Variants in PSD3 observed in about 807,000 individuals in gnomAD.
PSD3 encodes pleckstrin and Sec7 domain containing 3.
In PSD3, 49 loss-of-function variants were observed where a neutral mutation model predicts 105.5. That is an observed-to-expected ratio of 0.46 (90% CI 0.37 to 0.59). The LOEUF is 0.59. Among genes scored for constraint, PSD3 ranks in the 20% least tolerant of loss-of-function variants. The pLI, the probability that PSD3 is intolerant of heterozygous loss-of-function variation, is 0.00. For missense variants in PSD3, 1,561 were observed against 1,263.8 expected (o/e 1.24, Z -3.57); for synonymous variants, 557 against 457.8 (o/e 1.22, Z -2.77).
chr8:18,940,655 G>A (rs1254148461), intron 1 of PSD3, among the ~76,000 whole-genome samples: 1 of 152,126 alleles, frequency 6.6e-6, no homozygotes, highest in Non-Finnish European at 1.5e-5. Flanking sequence ...CCCCAGTTCT[G>A]GGAATGCCTC....
chr8:18,969,343 A>G (rs777068559), intron 1 of PSD3, among the ~76,000 whole-genome samples: 8 of 152,204 alleles, frequency 5.3e-5, no homozygotes, highest in African/African-American at 9.6e-5. Context: ...CTAAATTTCG[A>G]TGCAACAGCA....
At chr8:18,905,259 C>T (rs1018724332) in intron 2 of PSD3, among the ~76,000 whole-genome samples, 1 of 152,172 alleles carries the variant, frequency 6.6e-6, no homozygotes, top group African/African-American at 2.4e-5. Context: ...TCCTACTCAT[C>T]TTTCATAACC....
At chr8:18,871,493 G>GT in intron 3 of PSD3, 133 bp downstream of exon 3, 1 of 1,182,486 alleles carries the variant, frequency 8.5e-7, no homozygotes, top group South Asian at 1.6e-5. Context: ...CTAGCTCACA[G>GT]TAACTCATCT....
At chr8:18,627,463 C>T (rs1210141261) in intron 11 of PSD3, among the ~76,000 whole-genome samples, 5 of 151,952 alleles carry the variant, frequency 3.3e-5, no homozygotes, top group Non-Finnish European at 7.4e-5. Context: ...GTGGGATGGA[C>T]AATTTCAAGG....
At chr8:18,961,662 GCCTGGGTGA>G (rs1563466373) in intron 1 of PSD3, among the ~76,000 whole-genome samples, 1 of 152,200 alleles carries the variant, frequency 6.6e-6, no homozygotes, top group African/African-American at 2.4e-5. Flanking sequence ...CTGCACTCCA[GCCTGGGTGA>G]CAGAGCGAGA....
At chr8:18,846,107 G>C (rs1002207704) in intron 4 of PSD3, among the ~76,000 whole-genome samples, 1 of 152,152 alleles carries the variant, frequency 6.6e-6, no homozygotes, top group Non-Finnish European at 1.5e-5. Context: ...AAGAAAGAGA[G>C]ATAGAAGAAA....
intron 14 of PSD3, among the ~76,000 whole-genome samples, chr8:18,558,987 C>G (rs1472427572): frequency 6.6e-6 from 1 of 152,042 alleles, no homozygotes; most frequent in East Asian, 1.9e-4. Flanking sequence ...GCATAGTACC[C>G]CACTGCAGGA....
At chr8:18,736,717 T>C (rs1472505539) in intron 9 of PSD3, among the ~76,000 whole-genome samples, 2 of 152,132 alleles carry the variant, frequency 1.3e-5, no homozygotes, top group African/African-American at 4.8e-5. Flanking sequence ...TGAAAAAAAT[T>C]GGAAAGGTTT....
At chr8:18,581,725 G>A (rs1477960679) in intron 12 of PSD3, among the ~76,000 whole-genome samples, 1 of 152,202 alleles carries the variant, frequency 6.6e-6, no homozygotes, top group African/African-American at 2.4e-5. Flanking sequence ...GCCATTCATT[G>A]CATAATACTG....
At chr8:18,875,894 C>T (rs984868748) in intron 2 of PSD3, among the ~76,000 whole-genome samples, 1 of 152,132 alleles carries the variant, frequency 6.6e-6, no homozygotes, top group Admixed American at 6.5e-5. Context: ...AGCAGCCAAT[C>T]CCCATTTCAG....
chr8:18,589,755 G>A (rs992523868), intron 12 of PSD3, among the ~76,000 whole-genome samples: 3 of 152,256 alleles, frequency 2.0e-5, no homozygotes, highest in East Asian at 1.9e-4. Flanking sequence ...GCGAGGAGGC[G>A]AGGGCTTCTA....
intron 4 of PSD3, among the ~76,000 whole-genome samples, chr8:18,815,587 G>C (rs563302367): frequency 6.6e-6 from 1 of 152,060 alleles, no homozygotes; most frequent in Non-Finnish European, 1.5e-5. Flanking sequence ...CTGGGATTAT[G>C]AGAGGGAGCC....
At chr8:18,682,042 A>C (rs1364641584) in intron 9 of PSD3, among the ~76,000 whole-genome samples, 1 of 151,938 alleles carries the variant, frequency 6.6e-6, no homozygotes, top group Non-Finnish European at 1.5e-5. Flanking sequence ...TCTCTTCCAC[A>C]GATACATATC....
At position 18,941,665 on chromosome 8, in the gene PSD3, C is replaced by CTTTT. The variant is rs869259596; in HGVS notation, c.22-5527_22-5524dup. On this transcript the variant is annotated intron_variant, in intron 1 of 15. Coordinates refer to ENST00000327040, the MANE Select transcript of PSD3 (RefSeq NM_015310.4). ...GATAAGCACTACTGATGTAGAATGA[C>CTTTT]TTTTTTTTTTTTTTTTTTTTTTGAG... Among the ~76,000 whole-genome samples the CTTTT allele has an allele frequency of 5.6e-4, 60 of 107,732 alleles. 1 individual carries two copies. The highest frequency in any genetic ancestry group is 1.7e-3 in the African/African-American group (45 of 26,222). 70.7% of individuals were successfully genotyped at this position (107,732 alleles called of 152,430 possible). A position where few individuals can be genotyped will look rare whatever the true frequency, so the allele number is the denominator to read the frequency against.
At chr8:18,659,793 G>C (rs1367351286) in intron 9 of PSD3, among the ~76,000 whole-genome samples, 1 of 152,162 alleles carries the variant, frequency 6.6e-6, no homozygotes, top group Non-Finnish European at 1.5e-5. Context: ...TAGGACCAAA[G>C]GCATTTGTCA....
intron 2 of PSD3, among the ~76,000 whole-genome samples, chr8:18,904,717 G>C (rs957279608): frequency 8.5e-5 from 13 of 152,246 alleles, no homozygotes; most frequent in African/African-American, 3.1e-4. Context: ...TTTCTGTAAA[G>C]GACCAGACAG....
At chr8:19,057,566 T>C (rs1385827220) in intron 1 of PSD3, among the ~76,000 whole-genome samples, 1 of 152,148 alleles carries the variant, frequency 6.6e-6, no homozygotes, top group Non-Finnish European at 1.5e-5. Flanking sequence ...ATAGTTACCA[T>C]CCTTAGCCAC....
intron 8 of PSD3, among the ~76,000 whole-genome samples, chr8:18,782,979 CTT>C: frequency 6.6e-6 from 1 of 152,290 alleles, no homozygotes; most frequent in East Asian, 1.9e-4. Context: ...TTTATCATGA[CTT>C]GTCTCATTTT....
rs1032931284 is a variant in PSD3 at position 18,534,719 on chromosome 8, A to C, written c.*1024T>G. On this transcript the variant is annotated 3_prime_UTR_variant, in exon 16 of 16. Transcript: ENST00000327040. Reference sequence around the variant, plus strand: ...TCCTTCCTTATTTTGTCTTAAGGACACAAGAAAAGCTGTTTCATTTTAGTA... The same window carrying C: ...TCCTTCCTTATTTTGTCTTAAGGACCCAAGAAAAGCTGTTTCATTTTAGTA... The C allele has an allele frequency of 6.6e-6, 1 of 152,456 alleles. No homozygotes were observed. Among genetic ancestry groups the C allele is most frequent in the Non-Finnish European group, 1.5e-5 (1 of 68,052 alleles). The allele number at this position is 152,456 out of a possible 1,614,324, so 9.4% of individuals were successfully genotyped here. A position where few individuals can be genotyped will look rare whatever the true frequency, so the allele number is the denominator to read the frequency against.
Sources: gnomAD v4.1 joint callset for allele counts (sites outside exome capture counted in the v4.1 genomes callset) on GRCh38, gnomAD v4.1.1 for gene constraint, MANE v1.5 for transcripts, NCBI Gene and HGNC (gene_info 2026-07-23, HGNC 2026-07-21) for gene names.